Variants in FRMD4B observed in about 807,000 individuals in gnomAD.
FRMD4B encodes FERM domain containing 4B, also known as FERM domain-containing protein 4B.
Under a neutral mutation model 141.5 loss-of-function variants are expected in FRMD4B, and 74 were observed. That is an observed-to-expected ratio of 0.52 (90% CI 0.43 to 0.63). FRMD4B has a LOEUF of 0.63. Among genes scored for constraint, FRMD4B ranks in the 30% least tolerant of loss-of-function variants. The pLI is 0.00. For synonymous variants in FRMD4B, 506 were observed against 467.9 expected, an observed-to-expected ratio of 1.08 and a Z score of -1.05; for missense variants, 1,366 against 1,253.4, an observed-to-expected ratio of 1.09 and a Z score of -1.36.
chr3:69,195,326 C>A lies in FRMD4B; in HGVS notation c.1273G>T (p.Glu425Ter). ...DSEVSEEQKR[E>*]KILELKKKEK... ...TTCTTCTTTAGTTCAAGGATTTTTT[C>A]TCTCTTTTGCTCTTCACTAACTTCT... Residue 425 changes from glutamate (E) to a stop codon, truncating the protein, a stop_gained, in exon 15 of 23, where the codon GAA (glutamate) becomes TAA (stop). Transcript: ENST00000398540. LOFTEE classifies it high-confidence loss of function. The A allele has an allele frequency of 6.2e-7, 1 of 1,613,048 alleles. No homozygotes were observed. The highest frequency in any genetic ancestry group is 8.5e-7 in the Non-Finnish European group (1 of 1,179,494).
chr3:69,237,203 T>A (rs1381648357), intron 7 of FRMD4B, among the ~76,000 whole-genome samples: 1 of 151,944 alleles, frequency 6.6e-6, no homozygotes, highest in African/African-American at 2.4e-5. Flanking sequence ...ATTGGAAAGC[T>A]AGGGAGGAAC....
intron 5 of FRMD4B, among the ~76,000 whole-genome samples, chr3:69,274,517 A>T (rs1255534949): frequency 3.3e-5 from 5 of 151,622 alleles, no homozygotes; most frequent in East Asian, 3.9e-4. Context: ...TTATTTTTTT[A>T]TTTTTATTTT....
intron 1 of FRMD4B, among the ~76,000 whole-genome samples, chr3:69,504,050 C>G (rs1706550627): frequency 6.6e-6 from 1 of 152,174 alleles, no homozygotes; most frequent in South Asian, 2.1e-4. Context: ...GTCCATACTC[C>G]TACAGGATCA....
chr3:69,359,758 G>A (rs1320717567), intron 1 of FRMD4B, among the ~76,000 whole-genome samples: 1 of 152,148 alleles, frequency 6.6e-6, no homozygotes, highest in African/African-American at 2.4e-5. Context: ...TTTTGACTTG[G>A]TTTTACCATA....
intron 1 of FRMD4B, among the ~76,000 whole-genome samples, chr3:69,369,538 GA>G (rs11403330): frequency 1.3e-5 from 2 of 151,342 alleles, no homozygotes; most frequent in South Asian, 2.1e-4. Context: ...AACATCTCAA[GA>G]AAAAAAAGAT....
intron 1 of FRMD4B, among the ~76,000 whole-genome samples, chr3:69,489,945 C>G (rs1006017848): frequency 6.6e-6 from 1 of 152,170 alleles, no homozygotes; most frequent in African/African-American, 2.4e-5. Flanking sequence ...GGTTGAACCT[C>G]AAACACATTA....
At chr3:69,380,614 C>T (rs547955142) in intron 1 of FRMD4B, among the ~76,000 whole-genome samples, 9 of 152,232 alleles carry the variant, frequency 5.9e-5, no homozygotes, top group South Asian at 2.1e-4. Flanking sequence ...GCAATTTGTC[C>T]GAGGTCAAAT....
chr3:69,535,142 T>C (rs1340178071), intron 1 of FRMD4B, among the ~76,000 whole-genome samples: 2 of 152,244 alleles, frequency 1.3e-5, no homozygotes, highest in East Asian at 1.9e-4. Context: ...GTTAAGTCAC[T>C]TGGTCAAAGC....
chr3:69,209,860 C>G (rs901395297), intron 11 of FRMD4B, among the ~76,000 whole-genome samples: 4 of 152,314 alleles, frequency 2.6e-5, no homozygotes, highest in African/African-American at 7.2e-5. Context: ...AGAATTTCAG[C>G]AGTGTCAGAA....
intron 4 of FRMD4B, among the ~76,000 whole-genome samples, chr3:69,288,239 C>T (rs533974066): frequency 3.9e-5 from 6 of 152,372 alleles, no homozygotes; most frequent in South Asian, 4.1e-4. Context: ...CACTACCTAA[C>T]CGAACCCCAA....
At chr3:69,240,206 T>C (rs2093371649) in intron 7 of FRMD4B, among the ~76,000 whole-genome samples, 1 of 151,976 alleles carries the variant, frequency 6.6e-6, no homozygotes, top group Non-Finnish European at 1.5e-5. Flanking sequence ...AAAGGATACA[T>C]AGGCCAGGCA....
chr3:69,314,527 CAA>C (rs34513769), intron 1 of FRMD4B, among the ~76,000 whole-genome samples: 8 of 125,650 alleles, frequency 6.4e-5, no homozygotes, highest in Admixed American at 2.5e-4. Flanking sequence ...GACTCTGTCT[CAA>C]AAAAAAAAAA....
chr3:69,368,942 T>G (rs936836488), intron 1 of FRMD4B, among the ~76,000 whole-genome samples: 2 of 152,254 alleles, frequency 1.3e-5, no homozygotes, highest in African/African-American at 4.8e-5. Context: ...ATTAAAGGCA[T>G]GAGCCACAGG....
intron 1 of FRMD4B, among the ~76,000 whole-genome samples, chr3:69,436,825 T>G (rs1456470056): frequency 1.3e-5 from 2 of 152,202 alleles, no homozygotes; most frequent in Non-Finnish European, 2.9e-5. Flanking sequence ...AACATTATAC[T>G]AAATGAAATA....
At chr3:69,338,067 A>T (rs1053431220) in intron 1 of FRMD4B, among the ~76,000 whole-genome samples, 1 of 152,246 alleles carries the variant, frequency 6.6e-6, no homozygotes, top group Admixed American at 6.5e-5. Flanking sequence ...CAAATGTCCA[A>T]CAATGATAGA....
chr3:69,399,519 T>G (rs976542050), intron 2 of FRMD4B, among the ~76,000 whole-genome samples: 5 of 152,236 alleles, frequency 3.3e-5, no homozygotes, highest in African/African-American at 9.6e-5. Flanking sequence ...GAGATCTGAC[T>G]GTAAGGATTG....
chr3:69,305,078 G>T (rs1701349473), intron 3 of FRMD4B, among the ~76,000 whole-genome samples: 1 of 152,190 alleles, frequency 6.6e-6, no homozygotes, highest in Non-Finnish European at 1.5e-5. Context: ...AGCCAGTGAG[G>T]AAAGTGCTAG....
chr3:69,253,550 G>A (rs1173161459), intron 5 of FRMD4B, among the ~76,000 whole-genome samples: 1 of 152,120 alleles, frequency 6.6e-6, no homozygotes, highest in African/African-American at 2.4e-5. Context: ...ACTTATCTGT[G>A]CTACAGCAAT....
chr3:69,407,486 A>C (rs1321535732), intron 2 of FRMD4B, among the ~76,000 whole-genome samples: 1 of 152,220 alleles, frequency 6.6e-6, no homozygotes, highest in Non-Finnish European at 1.5e-5. Context: ...TCTGGTGCTT[A>C]ATCTAAGAAA....
Sources: allele counts gnomAD v4.1 joint callset (sites outside exome capture counted in the v4.1 genomes callset), GRCh38; gene constraint gnomAD v4.1.1; transcripts MANE v1.5; gene names NCBI Gene and HGNC (gene_info 2026-07-23, HGNC 2026-07-21).